SELENOF: variants seen among roughly 807,000 people sequenced by gnomAD.
The protein encoded by SELENOF is 15 kDa selenoprotein.
A neutral mutation model predicts 20.5 loss-of-function variants in SELENOF; 16 were observed. The ratio of observed to expected loss-of-function variants is 0.78; its 90% CI spans 0.53 to 1.19. The LOEUF (loss-of-function observed/expected upper bound fraction) is 1.19, where lower values mean the gene tolerates loss of function less well. Ranked by LOEUF, SELENOF falls within the 50% of genes most tolerant of loss-of-function variation. SELENOF has a pLI of 0.00. For synonymous variants in SELENOF, 78 were observed against 74.5 expected (o/e 1.05, Z -0.24); for missense variants, 215 against 194.2 (o/e 1.11, Z -0.64).
At chr1:86,885,079 T>C (rs541086385) in intron 2 of SELENOF, among the ~76,000 whole-genome samples, 10 of 152,324 alleles carry the variant, frequency 6.6e-5, no homozygotes, top group African/African-American at 2.4e-4. Flanking sequence ...AAAAAGGTGA[T>C]TTTTATTCAT....
rs1399071492 is a variant in SELENOF at position 86,862,730 on chromosome 1, G to C, written c.*744C>G. On this transcript the variant is annotated 3_prime_UTR_variant, in exon 5 of 5. Coordinates refer to ENST00000331835, the MANE Select transcript of SELENOF (RefSeq NM_004261.5). ...GAATTCCAAATTCAGATAGATTTTT[G>C]AAACTTTTTATTTATATTTTGGTCT... 1 of 152,054 alleles carries C rather than the reference G, an allele frequency of 6.6e-6. No individual in the cohort carries two copies. The highest frequency in any genetic ancestry group is 1.5e-5 in the Non-Finnish European group (1 of 67,990). The allele number at this position is 152,054 out of a possible 1,614,324, so 9.4% of individuals were successfully genotyped here. A position where few individuals can be genotyped will look rare whatever the true frequency, so the allele number is the denominator to read the frequency against.
intron 1 of SELENOF, among the ~76,000 whole-genome samples, chr1:86,907,817 C>T (rs1362370235): frequency 1.3e-5 from 2 of 152,026 alleles, no homozygotes; most frequent in Non-Finnish European, 2.9e-5. Context: ...AACCCCGTCT[C>T]TACTAATAAT....
chr1:86,877,133 C>T (rs1456586250), intron 3 of SELENOF, among the ~76,000 whole-genome samples: 1 of 152,112 alleles, frequency 6.6e-6, no homozygotes, highest in Non-Finnish European at 1.5e-5. Flanking sequence ...GATTGTCATA[C>T]AGTAAGCATC....
chr1:86,907,059 T>C (rs1158844666), intron 1 of SELENOF, among the ~76,000 whole-genome samples: 1 of 152,226 alleles, frequency 6.6e-6, no homozygotes, highest in Non-Finnish European at 1.5e-5. Context: ...TACTGACAGG[T>C]AGCATGACTA....
At chr1:86,908,480 A>G (rs551670941) in intron 1 of SELENOF, among the ~76,000 whole-genome samples, 27 of 152,356 alleles carry the variant, frequency 1.8e-4, no homozygotes, top group African/African-American at 6.5e-4. Context: ...AATTTGTCTA[A>G]GACCACACAG....
At chr1:86,868,394 A>C (rs1658667816) in intron 3 of SELENOF, among the ~76,000 whole-genome samples, 1 of 152,210 alleles carries the variant, frequency 6.6e-6, no homozygotes, top group African/African-American at 2.4e-5. Flanking sequence ...AAGAATAGTC[A>C]GGGCAGTTTT....
At chr1:86,911,983 A>C (rs995684872) in intron 1 of SELENOF, among the ~76,000 whole-genome samples, 2 of 152,004 alleles carry the variant, frequency 1.3e-5, no homozygotes, top group African/African-American at 4.8e-5. Flanking sequence ...TGTTGGCCAG[A>C]CTAGTCTTGA....
At chr1:86,908,989 G>C (rs1410579031) in intron 1 of SELENOF, among the ~76,000 whole-genome samples, 1 of 152,172 alleles carries the variant, frequency 6.6e-6, no homozygotes, top group Non-Finnish European at 1.5e-5. Context: ...CAGAGGAGTA[G>C]ACAGTGATAA....
chr1:86,887,134 TTAA>T, intron 2 of SELENOF: 1 of 1,523,224 alleles, frequency 6.6e-7, no homozygotes, highest in Non-Finnish European at 8.8e-7. Flanking sequence ...TACTTTCTGA[TTAA>T]TGACACTTTC....
intron 2 of SELENOF, among the ~76,000 whole-genome samples, chr1:86,892,059 T>C (rs964070786): frequency 6.6e-6 from 1 of 151,662 alleles, no homozygotes; most frequent in African/African-American, 2.4e-5. Context: ...GCCTCTGGAG[T>C]AGCTGAGATT....
chr1:86,873,103 A>T (rs1658826633), intron 3 of SELENOF, among the ~76,000 whole-genome samples: 1 of 150,850 alleles, frequency 6.6e-6, no homozygotes, highest in South Asian at 2.1e-4. Context: ...AAAATAAAAA[A>T]TAAATTATCC....
intron 2 of SELENOF, among the ~76,000 whole-genome samples, chr1:86,881,992 G>A (rs529074055): frequency 2.6e-5 from 4 of 152,102 alleles, no homozygotes; most frequent in Admixed American, 6.6e-5. Flanking sequence ...GCCGCTCTTA[G>A]GGAGGCTGAG....
At chr1:86,880,528 T>G (rs2390167) in intron 3 of SELENOF, 134 bp downstream of exon 3, 3 of 517,426 alleles carry the variant, frequency 5.8e-6, no homozygotes, top group Non-Finnish European at 6.8e-6. Context: ...GAAAACAAAT[T>G]GAAAAAAAAG....
At chr1:86,902,680 A>C (rs1279548497) in intron 2 of SELENOF, among the ~76,000 whole-genome samples, 5 of 152,228 alleles carry the variant, frequency 3.3e-5, no homozygotes, top group Non-Finnish European at 7.3e-5. Flanking sequence ...AAAATATTTA[A>C]AAGATGAGCA....
chr1:86,913,277 T>C (rs896054201), intron 1 of SELENOF, among the ~76,000 whole-genome samples: 1 of 152,176 alleles, frequency 6.6e-6, no homozygotes. Flanking sequence ...GCACTGTGCC[T>C]AAAATTTTAC....
chr1:86,885,890 AG>A (rs1659202118), intron 2 of SELENOF, among the ~76,000 whole-genome samples: 1 of 152,188 alleles, frequency 6.6e-6, no homozygotes, highest in Non-Finnish European at 1.5e-5. Flanking sequence ...CACCAAAAAA[AG>A]TGAAAAGCCT....
At chr1:86,911,985 T>C (rs1183553741) in intron 1 of SELENOF, among the ~76,000 whole-genome samples, 6 of 152,252 alleles carry the variant, frequency 3.9e-5, no homozygotes, top group African/African-American at 1.4e-4. Flanking sequence ...TTGGCCAGAC[T>C]AGTCTTGAAC....
chr1:86,877,828 A>G (rs909142529), intron 3 of SELENOF, among the ~76,000 whole-genome samples: 1 of 152,202 alleles, frequency 6.6e-6, no homozygotes, highest in Non-Finnish European at 1.5e-5. Context: ...GGCTGCTTCC[A>G]TGCTATAATA....
intron 2 of SELENOF, among the ~76,000 whole-genome samples, chr1:86,881,422 C>G (rs983606393): frequency 1.3e-5 from 2 of 152,108 alleles, no homozygotes; most frequent in Non-Finnish European, 2.9e-5. Context: ...TGGTAAACAC[C>G]ACTTTTTTTG....
Sources: gnomAD v4.1 joint callset for allele counts (sites outside exome capture counted in the v4.1 genomes callset) on GRCh38, gnomAD v4.1.1 for gene constraint, MANE v1.5 for transcripts, NCBI Gene and HGNC (gene_info 2026-07-23, HGNC 2026-07-21) for gene names.